Variants in C6 observed in about 807,000 individuals in gnomAD.
C6 encodes the protein complement component C6.
Under a neutral mutation model 112.9 loss-of-function variants are expected in C6, and 101 were observed. That is an observed-to-expected ratio of 0.89 (90% CI 0.76 to 1.06). The LOEUF (loss-of-function observed/expected upper bound fraction) is 1.06. C6 is among the 50% of genes least tolerant of loss of function. The pLI, the probability that C6 is intolerant of heterozygous loss-of-function variation, is 0.00. For missense variants in C6, 1,202 were observed against 1,104.6 expected, an observed-to-expected ratio of 1.09 and a Z score of -1.25; for synonymous variants, 431 against 384.1, an observed-to-expected ratio of 1.12 and a Z score of -1.43.
chr5:41,223,644 G>T (rs751104172), intron 1 of C6, among the ~76,000 whole-genome samples: 4 of 152,166 alleles, frequency 2.6e-5, no homozygotes, highest in Non-Finnish European at 5.9e-5. Flanking sequence ...GTTAGGCTTA[G>T]ATGTATGAAA....
At chr5:41,179,734 C>G (rs1400130928) in intron 7 of C6, among the ~76,000 whole-genome samples, 1 of 148,964 alleles carries the variant, frequency 6.7e-6, no homozygotes, top group African/African-American at 2.5e-5. Flanking sequence ...TAAAATGAAT[C>G]TATTTCATTG....
intron 1 of C6, among the ~76,000 whole-genome samples, chr5:41,224,170 T>A (rs893387277): frequency 1.3e-4 from 20 of 152,254 alleles, no homozygotes; most frequent in African/African-American, 4.8e-4. Flanking sequence ...ATACTTACCA[T>A]TTTGTTTTTT....
chr5:41,177,158 T>C lies in C6; in HGVS notation c.928-443A>G, dbSNP rs538531799. Among the ~76,000 whole-genome samples the C allele has an allele frequency of 1.2e-3, 181 of 152,338 alleles. 2 individuals are homozygous for C. The highest frequency in any genetic ancestry group is 4.1e-3 in the African/African-American group (171 of 41,580). On this transcript the variant is annotated intron_variant, in intron 7 of 17. Coordinates refer to ENST00000337836, the MANE Select transcript of C6 (RefSeq NM_000065.5). ...AAGTGAGATTCAAGTTACAGCTTTGTCATTCTGGAAAAAGCGTTTCGATTC... is the reference window on the plus strand; with the variant it reads ...AAGTGAGATTCAAGTTACAGCTTTGCCATTCTGGAAAAAGCGTTTCGATTC...
intron 1 of C6, among the ~76,000 whole-genome samples, chr5:41,229,868 G>A (rs1346944242): frequency 1.3e-5 from 2 of 152,050 alleles, no homozygotes; most frequent in Non-Finnish European, 2.9e-5. Flanking sequence ...TTCTTTTGTT[G>A]TGGGAAGTCA....
chr5:41,240,469 G>A (rs2150424746), intron 1 of C6, among the ~76,000 whole-genome samples: 1 of 152,276 alleles, frequency 6.6e-6, no homozygotes, highest in East Asian at 1.9e-4. Flanking sequence ...CATGGCAGTA[G>A]GGTGGCGGGA....
At chr5:41,169,347 A>T (rs1748245871) in intron 9 of C6, among the ~76,000 whole-genome samples, 1 of 151,860 alleles carries the variant, frequency 6.6e-6, no homozygotes, top group South Asian at 2.1e-4. Flanking sequence ...ACACACACGC[A>T]CTCTTAAATT....
chr5:41,218,693 G>T (rs997636218), intron 1 of C6, among the ~76,000 whole-genome samples: 1 of 152,050 alleles, frequency 6.6e-6, no homozygotes, highest in Admixed American at 6.6e-5. Flanking sequence ...ATTGGGTATG[G>T]GTCATTCGGA....
intron 1 of C6, among the ~76,000 whole-genome samples, chr5:41,243,034 A>G (rs1740821132): frequency 6.6e-6 from 1 of 152,190 alleles, no homozygotes; most frequent in South Asian, 2.1e-4. Flanking sequence ...TAAAGTATAC[A>G]ACATCTCAGA....
chr5:41,150,715 C>T lies in C6; in HGVS notation c.2291-690G>A, dbSNP rs1242376879. 3.3e-5 allele frequency among the ~76,000 whole-genome samples: 5 copies of T among 152,022 alleles called. 1 individual carries two copies. The highest frequency in any genetic ancestry group is 5.9e-5 in the Non-Finnish European group (4 of 67,966). On this transcript the variant is annotated intron_variant, in intron 15 of 17. Coordinates refer to ENST00000337836, the MANE Select transcript of C6 (RefSeq NM_000065.5). ...CAGCCTGGTCAATATGGCGAAACCC[C>T]ATCTGTACTAAAAATACCAAAATTA...
At position 41,203,181 on chromosome 5, in the gene C6, T is replaced by G; in HGVS notation, c.50A>C (p.Asn17Thr). 1 of 1,614,106 alleles carries G rather than the reference T, an allele frequency of 6.2e-7. No homozygotes were observed. Among genetic ancestry groups the G allele is most frequent in the Non-Finnish European group, 8.5e-7 (1 of 1,179,970 alleles). ...ATCACAGAAGCAGGCTTGGCCCTTG[T>G]TGATCAGAGCATTCAGCAGGATGAA... ...LYFILLNALI[N>T]KGQACFCDHY... The change falls in exon 2 of 18, where the codon AAC (asparagine) becomes ACC (threonine). Residue 17 changes from asparagine (N) to threonine (T), a missense_variant. Physicochemically the swap from Asn to Thr is moderately conservative, Grantham distance 65. Transcript: ENST00000337836.
intron 1 of C6, among the ~76,000 whole-genome samples, chr5:41,220,587 A>G (rs1387206182): frequency 6.6e-6 from 1 of 152,098 alleles, no homozygotes; most frequent in Non-Finnish European, 1.5e-5. Flanking sequence ...CTATAACCAT[A>G]TGAGTGAGGT....
chr5:41,167,534 T>C (rs1460947921), intron 9 of C6, among the ~76,000 whole-genome samples: 1 of 152,082 alleles, frequency 6.6e-6, no homozygotes, highest in Non-Finnish European at 1.5e-5. Flanking sequence ...TTGGAAATAA[T>C]AGTTTGACAA....
At chr5:41,253,625 C>T (rs1741500583) in intron 1 of C6, among the ~76,000 whole-genome samples, 5 of 152,088 alleles carry the variant, frequency 3.3e-5, no homozygotes, top group African/African-American at 1.2e-4. Flanking sequence ...AGTGTAGGGT[C>T]CAATGGCTGA....
At chr5:41,154,342 A>G (rs113199602) in intron 14 of C6, among the ~76,000 whole-genome samples, 1,906 of 152,326 alleles carry the variant, frequency 0.013, 42 homozygotes, top group African/African-American at 0.043. Flanking sequence ...TTACCACGCT[A>G]TGACTGATGC....
chr5:41,161,813 A>T lies in C6; in HGVS notation c.1338T>A (p.Gly446=). 1 of 1,613,522 alleles carries T rather than the reference A, an allele frequency of 6.2e-7. No homozygotes were observed. Among genetic ancestry groups the T allele is most frequent in the Non-Finnish European group, 8.5e-7 (1 of 1,179,674 alleles). ...GAEKSISLIR[G]GRSEYGAALA... is the part of the protein sequence containing the mutation. ...AAGCTGCTCCATATTCACTCCTTCC[A>T]CCTCGAATCAGGGATATGGATTTCT... The change falls in exon 10 of 18, where the codon GGT becomes GGA. Residue 446 remains glycine, a synonymous_variant. Transcript: ENST00000337836.
rs569189962 is a variant in C6 at position 41,195,843 on chromosome 5, A to G, written c.536T>C (p.Val179Ala). The G allele has an allele frequency of 9.9e-6, 16 of 1,613,952 alleles. No homozygotes were observed. The African/African-American group carries it at 2.1e-4, about 22-fold the overall frequency. ...DERDCGRTKA[V>A]CTRKYNPIPS... ...GATGGGATTATACTTCCGTGTGCAT[A>G]CTGCCTTTGTCCTCCCACAGTCCCT... The change falls in exon 5 of 18, where the codon GTA (valine) becomes GCA (alanine). Residue 179 changes from valine (V) to alanine (A), a missense_variant. Transcript: ENST00000337836.
At chr5:41,158,554 T>C (rs1319317431) in intron 13 of C6, 120 bp downstream of exon 13, 5 of 707,484 alleles carry the variant, frequency 7.1e-6, no homozygotes, top group Middle Eastern at 4.7e-4. Flanking sequence ...TATTATTTTG[T>C]ACTTTTAAAG....
rs552809269 is a variant in C6 at position 41,196,349 on chromosome 5, A to C, written c.446-416T>G. On this transcript the variant is annotated intron_variant, in intron 4 of 17. Transcript: ENST00000337836. ...CACACACAGATGCACAGTCACACACAATAACATGGTTGGATCTCTCAAATT... is the reference window on the plus strand; with the variant it reads ...CACACACAGATGCACAGTCACACACCATAACATGGTTGGATCTCTCAAATT... Among the ~76,000 whole-genome samples, 11 of 152,082 alleles carry C rather than the reference A, an allele frequency of 7.2e-5. No individual in the cohort carries two copies. The South Asian group carries it at 2.3e-3, about 32-fold the overall frequency.
At chr5:41,225,521 T>G (rs1739434047) in intron 1 of C6, among the ~76,000 whole-genome samples, 1 of 152,180 alleles carries the variant, frequency 6.6e-6, no homozygotes. Flanking sequence ...AGTGCCGCAA[T>G]AAACATACGA....
Sources: allele counts gnomAD v4.1 joint callset (sites outside exome capture counted in the v4.1 genomes callset), GRCh38; gene constraint gnomAD v4.1.1; transcripts MANE v1.5; gene names NCBI Gene and HGNC (gene_info 2026-07-23, HGNC 2026-07-21).